The following SNRPN variants were observed in gnomAD, a reference collection of about 807,000 sequenced individuals.
SNRPN encodes small nuclear ribonucleoprotein polypeptide N.
A neutral mutation model predicts 25.2 loss-of-function variants in SNRPN; 7 were observed. The observed-to-expected ratio is 0.28, with a 90% CI of 0.16 to 0.52. SNRPN has a LOEUF of 0.52. SNRPN is among the 20% of genes least tolerant of loss of function. The pLI, the probability that SNRPN is intolerant of heterozygous loss-of-function variation, is 0.96. For synonymous variants in SNRPN, 124 were observed against 110.6 expected (o/e 1.12, Z -0.76); for missense variants, 196 against 322.5 (o/e 0.61, Z 3.00).
upstream of SNRPN, among the ~76,000 whole-genome samples, chr15:24,951,964 A>G (rs1252927069): frequency 1.3e-5 from 2 of 152,024 alleles, no homozygotes; most frequent in Admixed American, 1.3e-4. Context: ...CAGTTTATTT[A>G]TTATTTTTGG....
chr15:24,831,402 G>A (rs984258288), intron 2 of SNRPN, among the ~76,000 whole-genome samples: 1 of 151,976 alleles, frequency 6.6e-6, no homozygotes, highest in Non-Finnish European at 1.5e-5. Flanking sequence ...CAAACATGAT[G>A]TTTGAAGAAT....
chr15:24,913,640 C>T (rs1036465099), intron 2 of SNRPN, among the ~76,000 whole-genome samples: 2 of 132,174 alleles, frequency 1.5e-5, no homozygotes, highest in Admixed American at 7.9e-5. Context: ...AGTGAGACTC[C>T]GTCTCAAAAA....
intron 2 of SNRPN, among the ~76,000 whole-genome samples, chr15:24,911,323 T>C (rs1173914777): frequency 1.3e-5 from 2 of 152,116 alleles, no homozygotes; most frequent in Admixed American, 6.5e-5. Flanking sequence ...CCAGATGCTA[T>C]TCATTAAGAC....
At chr15:24,831,797 A>G (rs374121058) in intron 2 of SNRPN, among the ~76,000 whole-genome samples, 1 of 152,178 alleles carries the variant, frequency 6.6e-6, no homozygotes, top group East Asian at 1.9e-4. Context: ...GCCTCCAATG[A>G]CAGTAATTCT....
intron 1 of SNRPN, among the ~76,000 whole-genome samples, chr15:24,884,164 A>AAAAAAAAAAAAAAC (rs2056987928): frequency 6.7e-6 from 1 of 149,538 alleles, no homozygotes. Flanking sequence ...AAAAAAAAAA[A>AAAAAAAAAAAAAAC]GATCTATATA....
chr15:24,962,636 T>C (rs1166399724), intron 2 of SNRPN, among the ~76,000 whole-genome samples: 1 of 152,200 alleles, frequency 6.6e-6, no homozygotes, highest in East Asian at 1.9e-4. Flanking sequence ...TTAAAATACA[T>C]TTGTGTTTTT....
At chr15:24,966,573 G>T (rs975444280) in intron 2 of SNRPN, among the ~76,000 whole-genome samples, 2 of 152,204 alleles carry the variant, frequency 1.3e-5, no homozygotes, top group African/African-American at 2.4e-5. Flanking sequence ...TTTGTGGCCT[G>T]GTTAGTCACC....
chr15:24,824,236 T>C (rs1330304377), intron 1 of SNRPN, among the ~76,000 whole-genome samples: 2 of 152,098 alleles, frequency 1.3e-5, no homozygotes, highest in Non-Finnish European at 1.5e-5. Flanking sequence ...TTACGTGGCT[T>C]AGTTTGTTCT....
intron 2 of SNRPN, among the ~76,000 whole-genome samples, chr15:24,965,846 T>TA (rs1486494430): frequency 6.6e-6 from 1 of 151,900 alleles, no homozygotes; most frequent in Non-Finnish European, 1.5e-5. Context: ...AGAATTATCT[T>TA]ACGTTTCAAG....
chr15:24,856,190 C>A (rs546976786), upstream of SNRPN, among the ~76,000 whole-genome samples: 32 of 152,180 alleles, frequency 2.1e-4, no homozygotes, highest in African/African-American at 7.7e-4. Context: ...AGAGTGAAAA[C>A]CTCTATGCCT....
chr15:24,969,994 CTGAG>C (rs1233762365), intron 3 of SNRPN, among the ~76,000 whole-genome samples: 9 of 152,124 alleles, frequency 5.9e-5, no homozygotes, highest in Non-Finnish European at 1.0e-4. Context: ...AAATAATTGG[CTGAG>C]TTTTATTTTA....
chr15:24,887,738 T>G (rs1027237226), intron 2 of SNRPN, among the ~76,000 whole-genome samples: 7 of 152,150 alleles, frequency 4.6e-5, no homozygotes, highest in Non-Finnish European at 8.8e-5. Flanking sequence ...GGGAGGCCTC[T>G]TGTTCCTTGA....
At chr15:24,974,931 A>G in intron 4 of SNRPN, 2 of 702,966 alleles carry the variant, frequency 2.8e-6, no homozygotes, top group Non-Finnish European at 5.2e-6. Flanking sequence ...GTGGTGAAGG[A>G]CTGTCCTGCA....
At chr15:24,831,821 C>T (rs751177079) in intron 2 of SNRPN, among the ~76,000 whole-genome samples, 4 of 151,914 alleles carry the variant, frequency 2.6e-5, no homozygotes, top group Non-Finnish European at 5.9e-5. Context: ...TTTTTAAGGC[C>T]GATAATATCC....
intron 2 of SNRPN, chr15:24,850,740 T>C (rs4906922): frequency 0.87 from 132,342 of 152,198 alleles, 58,376 homozygotes; most frequent in South Asian, 0.94. Flanking sequence ...TGTTCATCTT[T>C]GTGGTGGATT....
intron 3 of SNRPN, among the ~76,000 whole-genome samples, chr15:24,930,323 G>A (rs2060727283): frequency 6.6e-6 from 1 of 151,338 alleles, no homozygotes; most frequent in African/African-American, 2.4e-5. Flanking sequence ...TGATGAGATG[G>A]AGAAATATAT....
chr15:24,833,220 A>T (rs2050721702), intron 2 of SNRPN, among the ~76,000 whole-genome samples: 1 of 151,654 alleles, frequency 6.6e-6, no homozygotes, highest in Non-Finnish European at 1.5e-5. Flanking sequence ...ATGGTCACAG[A>T]GCAGCTTTTT....
intron 2 of SNRPN, among the ~76,000 whole-genome samples, chr15:24,964,990 A>C (rs986841262): frequency 5.9e-5 from 9 of 152,180 alleles, no homozygotes; most frequent in Non-Finnish European, 1.2e-4. Context: ...TAAAGTGTAG[A>C]GTTAGGGAAA....
At chr15:24,894,246 T>C (rs1816261755) in intron 2 of SNRPN, among the ~76,000 whole-genome samples, 1 of 150,240 alleles carries the variant, frequency 6.7e-6, no homozygotes, top group African/African-American at 2.5e-5. Flanking sequence ...TGAGACGGAG[T>C]CTCGCTCTGT....
Sources: gnomAD v4.1 joint callset for allele counts (sites outside exome capture counted in the v4.1 genomes callset) on GRCh38, gnomAD v4.1.1 for gene constraint, MANE v1.5 for transcripts, NCBI Gene and HGNC (gene_info 2026-07-23, HGNC 2026-07-21) for gene names.